The following SANBR variants were observed in gnomAD, a reference collection of about 807,000 sequenced individuals.
The protein encoded by SANBR is SANT and BTB domain regulator of CSR.
Under a neutral mutation model 101.8 loss-of-function variants are expected in SANBR, and 77 were observed. The observed-to-expected ratio is 0.76, with a 90% CI of 0.63 to 0.91. SANBR has a LOEUF of 0.91. SANBR is among the 40% of genes least tolerant of loss of function. The probability of loss-of-function intolerance (pLI) is 0.00; values close to 1 mark genes in which losing one functional copy is unlikely to be tolerated. For synonymous variants in SANBR, 279 were observed against 274.7 expected (o/e 1.02, Z -0.15); for missense variants, 875 against 853.0 (o/e 1.03, Z -0.32).
intron 12 of SANBR, among the ~76,000 whole-genome samples, chr2:61,100,406 G>A (rs1445595156): frequency 6.6e-6 from 1 of 152,060 alleles, no homozygotes; most frequent in African/African-American, 2.4e-5. Context: ...GCCTGGCCTT[G>A]CTTCTGTTTT....
exon 21 of SANBR, chr2:61,134,226 G>A: frequency 1.2e-6 from 2 of 1,602,128 alleles, no homozygotes; most frequent in Non-Finnish European, 1.7e-6. Context: ...CAGTGTTGCT[G>A]TGTTAAACGA....
At position 61,123,936 on chromosome 2, in the gene SANBR, A is replaced by G. The variant is rs1684433546; in HGVS notation, c.*1774A>G. Reference sequence around the variant, plus strand: ...GTGAAACCCTATCTCTACTAAAAATACAAAAAGATTAGCCAGGCATGGTGG... The same window carrying G: ...GTGAAACCCTATCTCTACTAAAAATGCAAAAAGATTAGCCAGGCATGGTGG... On this transcript the variant is annotated 3_prime_UTR_variant, in exon 22 of 22. Transcript: ENST00000402291. The G allele has an allele frequency of 5.4e-6, 2 of 371,776 alleles. No individual in the cohort carries two copies. The highest frequency in any genetic ancestry group is 2.2e-4 in the South Asian group (2 of 9,074). 23.0% of individuals were successfully genotyped at this position (371,776 alleles called of 1,614,324 possible).
chr2:61,088,473 C>A lies in SANBR; in HGVS notation c.1088+5C>A. ...TATTGTCTATATTCACATAAGGTGT[C>A]GTGAAGATAAAATACATACATGTAT... is the stretch of plus-strand genomic sequence containing the variant. On this transcript the variant is annotated splice_donor_5th_base_variant and intron_variant, in intron 10 of 21. Transcript: ENST00000402291. The A allele has an allele frequency of 6.4e-7, 1 of 1,565,014 alleles. No homozygotes were observed. The highest frequency in any genetic ancestry group is 1.2e-5 in the South Asian group (1 of 85,126).
intron 20 of SANBR, among the ~76,000 whole-genome samples, chr2:61,131,435 C>T (rs943125335): frequency 6.6e-6 from 1 of 152,012 alleles, no homozygotes; most frequent in African/African-American, 2.4e-5. Flanking sequence ...AAGAAAACAA[C>T]TTTTAACATC....
chr2:61,085,790 C>T (rs923644144), intron 8 of SANBR, among the ~76,000 whole-genome samples: 3 of 152,136 alleles, frequency 2.0e-5, no homozygotes, highest in African/African-American at 7.2e-5. Context: ...AGATTACAGA[C>T]GTGAGCCACC....
intron 1 of SANBR, among the ~76,000 whole-genome samples, chr2:61,068,645 T>C (rs1418396026): frequency 2.0e-5 from 3 of 152,174 alleles, no homozygotes; most frequent in African/African-American, 7.2e-5. Flanking sequence ...TCTAGTCATT[T>C]TGTTGGTGGC....
chr2:61,095,316 T>A (rs1338684823), intron 11 of SANBR, among the ~76,000 whole-genome samples: 1 of 151,392 alleles, frequency 6.6e-6, no homozygotes, highest in Non-Finnish European at 1.5e-5. Context: ...CATAAACTCA[T>A]AAAATGGTTT....
chr2:61,131,601 G>A (rs1684691149), intron 20 of SANBR, among the ~76,000 whole-genome samples: 1 of 152,336 alleles, frequency 6.6e-6, no homozygotes, highest in African/African-American at 2.4e-5. Flanking sequence ...TAAGATGGGA[G>A]TATTCCTCAA....
At chr2:61,133,714 T>G (rs1684757963) in intron 20 of SANBR, among the ~76,000 whole-genome samples, 1 of 152,218 alleles carries the variant, frequency 6.6e-6, no homozygotes, top group Admixed American at 6.5e-5. Context: ...TCCATTTTTA[T>G]AAAATGTCCA....
At chr2:61,088,569 G>A in intron 10 of SANBR, 101 bp downstream of exon 10, 1 of 750,370 alleles carries the variant, frequency 1.3e-6, no homozygotes, top group Non-Finnish European at 2.0e-6. Context: ...ACCCAGGCTG[G>A]CGTGCAGTGG....
intron 16 of SANBR, among the ~76,000 whole-genome samples, chr2:61,109,805 AC>A (rs1349797209): frequency 4.0e-5 from 6 of 149,508 alleles, no homozygotes; most frequent in Non-Finnish European, 8.9e-5. Context: ...AGTAGCTCGG[AC>A]TACTCAGCTA....
Position 61,119,808 on chromosome 2 carries a change from A to G in SANBR, c.2029-1377A>G, listed in dbSNP as rs190975745. On this transcript the variant is annotated intron_variant, in intron 20 of 21. Transcript: ENST00000402291. The stretch of plus-strand genomic sequence containing the variant: ...CCCTATCTCTACAAAAAAAAGTAAC[A>G]AAAATTAGCCAGGTATGGTGGTGGA... Among the ~76,000 whole-genome samples the G allele has an allele frequency of 2.8e-3, 427 of 152,270 alleles. 1 individual carries two copies. The highest frequency in any genetic ancestry group is 9.6e-3 in the African/African-American group (400 of 41,554).
Position 61,123,863 on chromosome 2 carries a change from G to C in SANBR, c.*1701G>C. 1.2e-6 allele frequency: 1 copy of C among 857,514 alleles called. No individual in the cohort carries two copies. The highest frequency in any genetic ancestry group is 1.4e-6 in the Non-Finnish European group (1 of 713,250). 53.1% of individuals were successfully genotyped at this position (857,514 alleles called of 1,614,324 possible). ...TCCCAGCACTTTGGGAGGCCGAGGCGGGCAGATCACCTGAGGTCAGGAGTT... is the reference window on the plus strand; with the variant it reads ...TCCCAGCACTTTGGGAGGCCGAGGCCGGCAGATCACCTGAGGTCAGGAGTT... On this transcript the variant is annotated 3_prime_UTR_variant, in exon 22 of 22. Coordinates refer to ENST00000402291, the MANE Select transcript of SANBR (RefSeq NM_001129993.3).
At chr2:61,081,956 T>C (rs535854831) in intron 7 of SANBR, among the ~76,000 whole-genome samples, 1 of 152,318 alleles carries the variant, frequency 6.6e-6, no homozygotes, top group Non-Finnish European at 1.5e-5. Context: ...GCCAGAATAC[T>C]CCTTTTCTAT....
intron 8 of SANBR, among the ~76,000 whole-genome samples, chr2:61,083,805 C>G (rs918879037): frequency 1.2e-4 from 18 of 150,790 alleles, no homozygotes; most frequent in African/African-American, 4.4e-4. Context: ...GGAGGCGGAG[C>G]TTGCAGTGAG....
At chr2:61,083,560 C>T (rs111496782) in intron 8 of SANBR, among the ~76,000 whole-genome samples, 1 of 129,236 alleles carries the variant, frequency 7.7e-6, no homozygotes, top group African/African-American at 3.3e-5. Context: ...CCATGCCCAG[C>T]TAAATTAAAA....
In SANBR at chr2:61,123,588, T is replaced by A. The variant is rs1008846340; in HGVS notation, c.*1426T>A. 1.0e-6 allele frequency: 1 copy of A among 979,710 alleles called. No individual in the cohort carries two copies. The highest frequency in any genetic ancestry group is 1.8e-5 in the African/African-American group (1 of 57,090). The allele number at this position is 979,710 out of a possible 1,614,324, so 60.7% of individuals were successfully genotyped here. A position where few individuals can be genotyped will look rare whatever the true frequency, so the allele number is the denominator to read the frequency against. On this transcript the variant is annotated 3_prime_UTR_variant, in exon 22 of 22. Transcript: ENST00000402291. ...TAAGTACTCTGTTAAATACCAGAGT[T>A]TTTTTTGTAGTTTACTGTGTTTTCT...
At chr2:61,093,153 TATAAAA>T (rs1682857879) in intron 11 of SANBR, 1 of 151,926 alleles carries the variant, frequency 6.6e-6, no homozygotes, top group Non-Finnish European at 1.5e-5. Context: ...TAAAATAAAA[TATAAAA>T]ATAAAATAAA....
At chr2:61,106,788 C>T in intron 14 of SANBR, 126 bp downstream of exon 14, 1 of 570,782 alleles carries the variant, frequency 1.8e-6, no homozygotes, top group Non-Finnish European at 3.0e-6. Context: ...AGGTATTATG[C>T]CTAGTAATAG....
Sources: gnomAD v4.1 joint callset for allele counts (sites outside exome capture counted in the v4.1 genomes callset) on GRCh38, gnomAD v4.1.1 for gene constraint, MANE v1.5 for transcripts, NCBI Gene and HGNC (gene_info 2026-07-23, HGNC 2026-07-21) for gene names.